Variants in ZDHHC3 observed in about 807,000 individuals in gnomAD.
The protein encoded by ZDHHC3 is palmitoyltransferase ZDHHC3.
A neutral mutation model predicts 30.6 loss-of-function variants in ZDHHC3; 9 were observed. The observed-to-expected ratio is 0.29, with a 90% confidence interval of 0.18 to 0.51. The LOEUF (loss-of-function observed/expected upper bound fraction) is 0.51. Among genes scored for constraint, ZDHHC3 ranks in the 20% least tolerant of loss-of-function variants. The pLI, the probability that ZDHHC3 is intolerant of heterozygous loss-of-function variation, is 0.97. For missense variants in ZDHHC3, 246 were observed against 384.2 expected, an observed-to-expected ratio of 0.64 and a Z score of 3.01; for synonymous variants, 136 against 140.2, an observed-to-expected ratio of 0.97 and a Z score of 0.21.
In ZDHHC3 at chr3:44,918,094, C is replaced by G; in HGVS notation, c.*8595G>C. On this transcript the variant is annotated 3_prime_UTR_variant, in exon 7 of 7. Coordinates refer to ENST00000424952, the MANE Select transcript of ZDHHC3 (RefSeq NM_001135179.2). ...AAAGGTCTCCTTTACTGACTGCCAG[C>G]TCCCCATGTGCTCCCTGGGCTGGTT... 7.7e-7 allele frequency: 1 copy of G among 1,305,456 alleles called. No individual in the cohort carries two copies. Among genetic ancestry groups the G allele is most frequent in the Non-Finnish European group, 1.0e-6 (1 of 988,964 alleles). The allele number at this position is 1,305,456 out of a possible 1,614,324, so 80.9% of individuals were successfully genotyped here. A position where few individuals can be genotyped will look rare whatever the true frequency, so the allele number is the denominator to read the frequency against.
At chr3:44,938,298 C>T (rs959652221) in intron 3 of ZDHHC3, 3 of 176,642 alleles carry the variant, frequency 1.7e-5, no homozygotes, top group Non-Finnish European at 3.6e-5. Context: ...GGAAATACCA[C>T]CTTTGATGAG....
intron 2 of ZDHHC3, among the ~76,000 whole-genome samples, chr3:44,947,058 T>C (rs148279811): frequency 0.018 from 2,739 of 152,046 alleles, 42 homozygotes; most frequent in Middle Eastern, 0.085. Context: ...GCGGGAGAAG[T>C]GGAGAGGAAA....
rs552312128 is a variant in ZDHHC3 at position 44,976,053 on chromosome 3, C to A, written c.-145G>T. On this transcript the variant is annotated 5_prime_UTR_variant, in exon 1 of 7. Transcript: ENST00000424952. ...GCCTCGGGCTTCGGCGATGGCTCCT[C>A]GGAACGAGGCGCCGCGGCTCTCTGG... 6.9e-3 allele frequency: 2,814 copies of A among 408,714 alleles called. 25 individuals are homozygous for A. The highest frequency in any genetic ancestry group is 7.3e-3 in the Non-Finnish European group (1,692 of 232,638). The allele number at this position is 408,714 out of a possible 1,614,324, so 25.3% of individuals were successfully genotyped here.
Position 44,923,384 on chromosome 3 carries a change from C to T in ZDHHC3, c.*3305G>A, listed in dbSNP as rs12631990. The stretch of plus-strand genomic sequence containing the variant: ...AGGGATGTCCACAGTGAGAAGTGTC[C>T]GCGCCCGGCTTAAAATGTTTGTTAA... On this transcript the variant is annotated 3_prime_UTR_variant, in exon 7 of 7. Coordinates refer to ENST00000424952, the MANE Select transcript of ZDHHC3 (RefSeq NM_001135179.2). 94,408 of 985,268 alleles carry T rather than the reference C, an allele frequency of 0.096. 4,918 individuals carry two copies. The highest frequency in any genetic ancestry group is 0.15 in the South Asian group (3,119 of 21,274). The allele number at this position is 985,268 out of a possible 1,614,324, so 61.0% of individuals were successfully genotyped here.
intron 1 of ZDHHC3, among the ~76,000 whole-genome samples, chr3:44,962,496 GA>G (rs2125916370): frequency 1.4e-4 from 1 of 7,326 alleles, no homozygotes; most frequent in Admixed American, 2.3e-3. Context: ...AAGGGAGAGA[GA>G]AGGAAGGAAG....
Position 44,945,289 on chromosome 3 carries a change from C to A in ZDHHC3, c.310G>T (p.Ala104Ser). The A allele has an allele frequency of 1.2e-6, 2 of 1,614,150 alleles. No homozygotes were observed. Among genetic ancestry groups the A allele is most frequent in the Non-Finnish European group, 1.7e-6 (2 of 1,180,020 alleles). The stretch of plus-strand genomic sequence containing the variant: ...TTAGTGGCATTTCCTTTGGGCACTG[C>A]CCCCTGTAGGAAAGATGAAAGGTAT... ...HCRAMLTDPG[A>S]VPKGNATKEF... The change falls in exon 3 of 7, where the codon GCA (alanine) becomes TCA (serine). Residue 104 changes from alanine (A) to serine (S), a missense_variant. Coordinates refer to ENST00000424952, the MANE Select transcript of ZDHHC3 (RefSeq NM_001135179.2).
Position 44,926,574 on chromosome 3 carries a change from A to C in ZDHHC3, c.*115T>G. 2 of 1,272,446 alleles carry C rather than the reference A, an allele frequency of 1.6e-6. No individual in the cohort carries two copies. Among genetic ancestry groups the C allele is most frequent in the Non-Finnish European group, 2.0e-6 (2 of 1,002,576 alleles). 78.8% of individuals were successfully genotyped at this position (1,272,446 alleles called of 1,614,324 possible). On this transcript the variant is annotated 3_prime_UTR_variant, in exon 7 of 7. Transcript: ENST00000424952. ...TCAGCCATTTTACTTGAGACATAAA[A>C]AAAGTTTTAAGAGTAGTTGTTTTGC... is the stretch of plus-strand genomic sequence containing the variant.
intron 5 of ZDHHC3, among the ~76,000 whole-genome samples, chr3:44,932,595 G>A (rs1446650590): frequency 1.3e-5 from 2 of 152,162 alleles, no homozygotes; most frequent in Non-Finnish European, 2.9e-5. Flanking sequence ...AGCCTCTAAA[G>A]CAGGAAGAAT....
chr3:44,926,144 T>C lies in ZDHHC3; in HGVS notation c.*545A>G, dbSNP rs945167881. On this transcript the variant is annotated 3_prime_UTR_variant, in exon 7 of 7. Transcript: ENST00000424952. ...GAGTTAGCAGGCAAACCGTGTCCAC[T>C]TGGGGGATGAGGTCGCTGTGCCAAG... 53 of 985,706 alleles carry C rather than the reference T, an allele frequency of 5.4e-5. No homozygotes were observed. Among genetic ancestry groups the C allele is most frequent in the Non-Finnish European group, 6.0e-5 (50 of 830,026 alleles). The allele number at this position is 985,706 out of a possible 1,614,324, so 61.1% of individuals were successfully genotyped here. A position where few individuals can be genotyped will look rare whatever the true frequency, so the allele number is the denominator to read the frequency against.
intron 3 of ZDHHC3, among the ~76,000 whole-genome samples, chr3:44,941,172 G>C (rs577751286): frequency 2.9e-4 from 44 of 152,174 alleles, no homozygotes; most frequent in Admixed American, 2.9e-3. Flanking sequence ...TAGGAAAATA[G>C]TAAGAAAACA....
rs543719398 is a variant in ZDHHC3 at position 44,919,610 on chromosome 3, A to G, written c.*7079T>C. Reference sequence around the variant, plus strand: ...ACAAACTGGAGGAGACTAAGGAGACATCGCAAATGATGCAGTGTGGGATCC... The same window carrying G: ...ACAAACTGGAGGAGACTAAGGAGACGTCGCAAATGATGCAGTGTGGGATCC... On this transcript the variant is annotated 3_prime_UTR_variant, in exon 7 of 7. Coordinates refer to ENST00000424952, the MANE Select transcript of ZDHHC3 (RefSeq NM_001135179.2). Among the ~76,000 whole-genome samples the G allele has an allele frequency of 1.1e-4, 17 of 152,396 alleles. No homozygotes were observed. The highest frequency in any genetic ancestry group is 3.4e-3 in the Middle Eastern group (1 of 294).
rs1183362324 is a variant in ZDHHC3 at position 44,925,961 on chromosome 3, A to C, written c.*728T>G. On this transcript the variant is annotated 3_prime_UTR_variant, in exon 7 of 7. Transcript: ENST00000424952. ...GATTGTATAAGGCATTTTGAACTGG[A>C]AAAACGTCTTTCCTACACACTCTTC... The C allele has an allele frequency of 3.0e-6, 3 of 985,708 alleles. No homozygotes were observed. Among genetic ancestry groups the C allele is most frequent in the Non-Finnish European group, 3.6e-6 (3 of 829,928 alleles). 61.1% of individuals were successfully genotyped at this position (985,708 alleles called of 1,614,324 possible).
intron 1 of ZDHHC3, among the ~76,000 whole-genome samples, chr3:44,961,889 TA>T (rs1704510471): frequency 1.3e-5 from 2 of 152,246 alleles, no homozygotes; most frequent in Admixed American, 6.5e-5. Context: ...GCTTTTGTAT[TA>T]CAATGGCAAG....
At chr3:44,938,334 A>G (rs1278681760) in intron 3 of ZDHHC3, 2 of 185,032 alleles carry the variant, frequency 1.1e-5, no homozygotes, top group African/African-American at 2.4e-5. Context: ...CTACAGATAC[A>G]GCACCGACCT....
Position 44,933,530 on chromosome 3 carries a change from AC to A in ZDHHC3, c.529-332del, listed in dbSNP as rs1366355379. 5.6e-6 allele frequency: 3 copies of A among 535,084 alleles called. No homozygotes were observed. In the African/African-American group the frequency reaches 5.7e-5, roughly 10 times the overall value. The allele number at this position is 535,084 out of a possible 1,614,324, so 33.1% of individuals were successfully genotyped here. A position where few individuals can be genotyped will look rare whatever the true frequency, so the allele number is the denominator to read the frequency against. ...CCTCCCTTGAAAAGCCAGGGTGCTG[AC>A]TGCTGAGGGCCCTTCTAGTCCTTGC... On this transcript the variant is annotated intron_variant, in intron 4 of 6. Transcript: ENST00000424952.
At position 44,923,190 on chromosome 3, in the gene ZDHHC3, C is replaced by T. The variant is rs1233665160; in HGVS notation, c.*3499G>A. On this transcript the variant is annotated 3_prime_UTR_variant, in exon 7 of 7. Coordinates refer to ENST00000424952, the MANE Select transcript of ZDHHC3 (RefSeq NM_001135179.2). The stretch of plus-strand genomic sequence containing the variant: ...TCCCGGGTTCACGCCATTCTCCTGC[C>T]TCAGCCTCCCAAGTAGCTGGGACTA... 2.4e-6 allele frequency: 2 copies of T among 849,856 alleles called. No homozygotes were observed. The highest frequency in any genetic ancestry group is 3.7e-5 in the African/African-American group (2 of 54,348). 52.6% of individuals were successfully genotyped at this position (849,856 alleles called of 1,614,324 possible).
Position 44,924,594 on chromosome 3 carries a change from C to A in ZDHHC3, c.*2095G>T, listed in dbSNP as rs535391555. The A allele has an allele frequency of 1.0e-6, 1 of 985,308 alleles. No individual in the cohort carries two copies. 61.0% of individuals were successfully genotyped at this position (985,308 alleles called of 1,614,324 possible). A position where few individuals can be genotyped will look rare whatever the true frequency, so the allele number is the denominator to read the frequency against. ...AAAGTCAGTGCATCTTCAGCACTAT[C>A]TACTGCATTCCTGAGAAATGCCAGG... On this transcript the variant is annotated 3_prime_UTR_variant, in exon 7 of 7. Coordinates refer to ENST00000424952, the MANE Select transcript of ZDHHC3 (RefSeq NM_001135179.2).
In ZDHHC3 at chr3:44,926,281, G is replaced by T; in HGVS notation, c.*408C>A. 1 of 988,850 alleles carries T rather than the reference G, an allele frequency of 1.0e-6. No individual in the cohort carries two copies. The allele number at this position is 988,850 out of a possible 1,614,324, so 61.3% of individuals were successfully genotyped here. A position where few individuals can be genotyped will look rare whatever the true frequency, so the allele number is the denominator to read the frequency against. On this transcript the variant is annotated 3_prime_UTR_variant, in exon 7 of 7. Coordinates refer to ENST00000424952, the MANE Select transcript of ZDHHC3 (RefSeq NM_001135179.2). ...CTGCCTCCTGGGCAGTGGGAGGTCA[G>T]GGCCCTCCTGGCTTTCCCATGCATC...
Position 44,918,209 on chromosome 3 carries a change from C to T in ZDHHC3, c.*8480G>A, listed in dbSNP as rs1264287171. On this transcript the variant is annotated 3_prime_UTR_variant, in exon 7 of 7. Transcript: ENST00000424952. ...CTGGGCTGTACAGCTCACATAGACA[C>T]CCCCAGCTATAGCATAGCAGTGGCG... is the stretch of plus-strand genomic sequence containing the variant. 1 of 1,242,776 alleles carries T rather than the reference C, an allele frequency of 8.0e-7. No homozygotes were observed. Among genetic ancestry groups the T allele is most frequent in the Non-Finnish European group, 1.0e-6 (1 of 957,698 alleles). 77.0% of individuals were successfully genotyped at this position (1,242,776 alleles called of 1,614,324 possible). A position where few individuals can be genotyped will look rare whatever the true frequency, so the allele number is the denominator to read the frequency against.
Sources: allele counts gnomAD v4.1 joint callset (sites outside exome capture counted in the v4.1 genomes callset), GRCh38; gene constraint gnomAD v4.1.1; transcripts MANE v1.5; gene names NCBI Gene and HGNC (gene_info 2026-07-23, HGNC 2026-07-21).